The following DGKA variants were observed in gnomAD, a reference collection of about 807,000 sequenced individuals.
The protein encoded by DGKA is diacylglycerol kinase alpha.
Under a neutral mutation model 105.0 loss-of-function variants are expected in DGKA, and 35 were observed. The observed-to-expected ratio is 0.33, with a 90% CI of 0.25 to 0.44. DGKA has a LOEUF of 0.44. Among genes scored for constraint, DGKA ranks in the 20% least tolerant of loss-of-function variants. The probability of loss-of-function intolerance (pLI) is 1.00; values close to 1 mark genes in which losing one functional copy is unlikely to be tolerated. For missense variants in DGKA, 665 were observed against 915.0 expected (o/e 0.73, Z 3.53); for synonymous variants, 296 against 332.0 (o/e 0.89, Z 1.18).
intron 1 of DGKA, chr12:55,935,830 G>A (rs1884535544): frequency 2.1e-6 from 2 of 965,864 alleles, no homozygotes; most frequent in African/African-American, 1.8e-5. Context: ...GTTCTGTGTC[G>A]CGCGTCAGAA....
intron 1 of DGKA, 145 bp downstream of exon 1, chr12:55,931,489 T>G (rs912204101): frequency 6.6e-6 from 1 of 152,320 alleles, no homozygotes; most frequent in Non-Finnish European, 1.5e-5. Context: ...AAGAGGAACG[T>G]GAAGAAGGTG....
intron 1 of DGKA, among the ~76,000 whole-genome samples, chr12:55,934,178 A>G (rs1884199296): frequency 6.6e-6 from 1 of 152,210 alleles, no homozygotes; most frequent in Non-Finnish European, 1.5e-5. Context: ...AGAGAGGCAG[A>G]GAAGAAGCCT....
intron 1 of DGKA, among the ~76,000 whole-genome samples, chr12:55,935,125 G>A (rs1459260589): frequency 6.6e-6 from 1 of 152,194 alleles, no homozygotes; most frequent in African/African-American, 2.4e-5. Context: ...TTCATCTGTA[G>A]AATGGTTATG....
At chr12:55,945,599 T>C (rs1292697889) in intron 17 of DGKA, among the ~76,000 whole-genome samples, 3 of 152,204 alleles carry the variant, frequency 2.0e-5, no homozygotes, top group Non-Finnish European at 4.4e-5. Context: ...TTCTAGTTTC[T>C]ACAGGCTGTC....
At chr12:55,938,211 A>G in intron 5 of DGKA, 159 bp downstream of exon 5, 1 of 715,328 alleles carries the variant, frequency 1.4e-6, no homozygotes, top group Non-Finnish European at 2.4e-6. Flanking sequence ...CTCCCAGACT[A>G]TTTATACCTA....
Position 55,932,640 on chromosome 12 carries a change from C to A in DGKA, c.-82+1296C>A. 1.4e-6 allele frequency: 1 copy of A among 701,698 alleles called. No individual in the cohort carries two copies. The highest frequency in any genetic ancestry group is 2.6e-6 in the Non-Finnish European group (1 of 384,444). 43.5% of individuals were successfully genotyped at this position (701,698 alleles called of 1,614,324 possible). On this transcript the variant is annotated intron_variant, in intron 1 of 23. Transcript: ENST00000331886. This position sits in a 1 kb window ranked among gnomAD's most constrained non-coding sequence, Gnocchi z 4.3. ...CCTCAGCACAGACAAGCCCACATCC[C>A]CCAACCATGCCAGTATCGTAACTTC...
upstream of DGKA, chr12:55,929,819 G>A (rs144202495): frequency 2.0e-5 from 3 of 152,322 alleles, no homozygotes; most frequent in East Asian, 5.8e-4. Context: ...ACACAAAGAA[G>A]TCTAGAGTAA....
chr12:55,952,116 G>A lies in DGKA; in HGVS notation c.1652+17G>A, dbSNP rs577116941. On this transcript the variant is annotated intron_variant, in intron 19 of 23. Transcript: ENST00000331886. The surrounding 1 kb of genome is among the most constrained non-coding windows in gnomAD (Gnocchi z 5.1). The stretch of plus-strand genomic sequence containing the variant: ...CAACAGCAGGTTAGGGAAAGGAGGG[G>A]GCAGTGTGGGCATACACAGTGTCAG... The A allele has an allele frequency of 1.2e-6, 2 of 1,613,962 alleles. No homozygotes were observed. Among genetic ancestry groups the A allele is most frequent in the East Asian group, 2.2e-5 (1 of 44,872 alleles).
chr12:55,933,118 T>C (rs1005068748), intron 1 of DGKA, among the ~76,000 whole-genome samples: 1 of 152,262 alleles, frequency 6.6e-6, no homozygotes, highest in African/African-American at 2.4e-5. Context: ...TAGTATTTGA[T>C]GTTTAAAATT....
At chr12:55,936,230 G>A (rs768164545) in intron 1 of DGKA, 193 bp from the exon 2 acceptor site, 36 of 631,994 alleles carry the variant, frequency 5.7e-5, no homozygotes, top group Non-Finnish European at 8.2e-5. Flanking sequence ...CAGAGACAGA[G>A]GACAGACACT....
chr12:55,940,070 C>A lies in DGKA; in HGVS notation c.710-12C>A. ...CTCAGCTAAGCCTCCCAACTTCTTC[C>A]TTCTCCCTCAGTCTGTAAGTACACT... On this transcript the variant is annotated splice_polypyrimidine_tract_variant and intron_variant, in intron 9 of 23. Coordinates refer to ENST00000331886, the MANE Select transcript of DGKA (RefSeq NM_001345.5). The surrounding 1 kb of genome is among the most constrained non-coding windows in gnomAD (Gnocchi z 4.3). 6.2e-7 allele frequency: 1 copy of A among 1,613,706 alleles called. No individual in the cohort carries two copies. Among genetic ancestry groups the A allele is most frequent in the South Asian group, 1.1e-5 (1 of 91,070 alleles).
At chr12:55,945,910 C>A (rs896401758) in intron 17 of DGKA, among the ~76,000 whole-genome samples, 5 of 151,900 alleles carry the variant, frequency 3.3e-5, no homozygotes, top group African/African-American at 1.2e-4. Flanking sequence ...ATGTCTCAAC[C>A]TCCCAGGTAG....
upstream of DGKA, chr12:55,927,735 A>T: frequency 6.5e-7 from 1 of 1,539,972 alleles, no homozygotes; most frequent in Non-Finnish European, 8.7e-7. Context: ...CTGTCTCCGT[A>T]GCCGCAGGGC....
At position 55,932,618 on chromosome 12, in the gene DGKA, C is replaced by A; in HGVS notation, c.-82+1274C>A. The A allele has an allele frequency of 1.4e-6, 1 of 702,310 alleles. No individual in the cohort carries two copies. Among genetic ancestry groups the A allele is most frequent in the Non-Finnish European group, 2.6e-6 (1 of 384,778 alleles). The allele number at this position is 702,310 out of a possible 1,614,324, so 43.5% of individuals were successfully genotyped here. On this transcript the variant is annotated intron_variant, in intron 1 of 23. Transcript: ENST00000331886. This position sits in a 1 kb window ranked among gnomAD's most constrained non-coding sequence, Gnocchi z 4.3. The stretch of plus-strand genomic sequence containing the variant: ...ATATTACTGGGCATCTCTTCAGCCT[C>A]AGCACAGACAAGCCCACATCCCCCA...
At chr12:55,929,144 T>C (rs910115371), upstream of DGKA, 1 of 152,210 alleles carries the variant, frequency 6.6e-6, no homozygotes, top group African/African-American at 2.4e-5. Flanking sequence ...AGACTCAGTC[T>C]CAAAATAAAT....
chr12:55,943,725 A>C (rs1387476244), intron 17 of DGKA, among the ~76,000 whole-genome samples: 2 of 152,176 alleles, frequency 1.3e-5, no homozygotes, highest in Non-Finnish European at 2.9e-5. Flanking sequence ...TGTAACTAAA[A>C]GAACAAATAG....
upstream of DGKA, chr12:55,927,759 C>G (rs1214601253): frequency 6.5e-7 from 1 of 1,539,384 alleles, no homozygotes; most frequent in Admixed American, 2.0e-5. Flanking sequence ...CGGCAGCTTC[C>G]ATGGCCGAAG....
intron 17 of DGKA, among the ~76,000 whole-genome samples, chr12:55,943,610 G>T (rs890240943): frequency 6.6e-6 from 1 of 151,738 alleles, no homozygotes; most frequent in African/African-American, 2.4e-5. Flanking sequence ...GTATTTGAGT[G>T]TGCAATCCCT....
intron 17 of DGKA, among the ~76,000 whole-genome samples, chr12:55,944,059 G>C (rs1410083263): frequency 6.6e-6 from 1 of 152,172 alleles, no homozygotes; most frequent in Non-Finnish European, 1.5e-5. Flanking sequence ...ACTTTGGGAG[G>C]CCAAGGTCAG....
Sources: gnomAD v4.1 joint callset for allele counts (sites outside exome capture counted in the v4.1 genomes callset) on GRCh38, gnomAD v4.1.1 for gene constraint, Gnocchi (gnomAD v3.1) non-coding constraint, MANE v1.5 for transcripts, NCBI Gene and HGNC (gene_info 2026-07-23, HGNC 2026-07-21) for gene names.